DYNLRB1: variants seen among roughly 807,000 people sequenced by gnomAD.
DYNLRB1 encodes the protein ROBL/LC7-like 1.
Under a neutral mutation model 13.5 loss-of-function variants are expected in DYNLRB1, and 6 were observed. The observed-to-expected ratio is 0.44, with a 90% CI of 0.24 to 0.88. The LOEUF (loss-of-function observed/expected upper bound fraction) is 0.88, where lower values mean the gene tolerates loss of function less well. Ranked by LOEUF, DYNLRB1 falls within the 40% of genes least tolerant of loss-of-function variation. DYNLRB1 has a pLI of 0.21. For missense variants in DYNLRB1, 93 were observed against 127.2 expected, an observed-to-expected ratio of 0.73 and a Z score of 1.29; for synonymous variants, 43 against 45.0, an observed-to-expected ratio of 0.96 and a Z score of 0.18.
chr20:34,516,799 G>C, intron 1 of DYNLRB1: 6 of 1,550,116 alleles, frequency 3.9e-6, no homozygotes, highest in Non-Finnish European at 3.5e-6. Context: ...AACGTTTCCC[G>C]GGAGCTCAGT....
At chr20:34,522,463 C>CTTTTACTTTTTT (rs1568598377) in intron 1 of DYNLRB1, among the ~76,000 whole-genome samples, 1 of 101,270 alleles carries the variant, frequency 9.9e-6, no homozygotes, top group African/African-American at 3.8e-5. Flanking sequence ...TTTCTTTTTT[C>CTTTTACTTTTTT]TTTTTCTTTT....
chr20:34,529,966 G>C (rs768946801), intron 2 of DYNLRB1: 1 of 1,374,940 alleles, frequency 7.3e-7, no homozygotes, highest in South Asian at 1.7e-5. Context: ...GCCCTCAACT[G>C]CCTCGAGTCC....
chr20:34,537,158 C>G (rs1037733320), intron 3 of DYNLRB1, among the ~76,000 whole-genome samples: 1 of 152,102 alleles, frequency 6.6e-6, no homozygotes, highest in African/African-American at 2.4e-5. Flanking sequence ...ATGAGGTGGC[C>G]AGTCCCTCAC....
intron 1 of DYNLRB1, among the ~76,000 whole-genome samples, chr20:34,523,292 C>G (rs1042145163): frequency 2.0e-5 from 3 of 152,202 alleles, no homozygotes; most frequent in Admixed American, 2.0e-4. Context: ...GCTGTCCCTT[C>G]TCCCCACAGC....
In DYNLRB1 at chr20:34,540,628, ACT is replaced by A. The variant is rs757936652; in HGVS notation, c.*9_*10del. On this transcript the variant is annotated 3_prime_UTR_variant, in exon 4 of 4. Transcript: ENST00000357156. Reference sequence around the variant, plus strand: ...GATTCAGAATCCAACCGAATAAGCCACTCTCTTGGCTCCCTGTGTCATTCCTT... The same window carrying A: ...GATTCAGAATCCAACCGAATAAGCCACTCTTGGCTCCCTGTGTCATTCCTT... 1.9e-6 allele frequency: 3 copies of A among 1,613,262 alleles called. No individual in the cohort carries two copies. Among genetic ancestry groups the A allele is most frequent in the East Asian group, 4.5e-5 (2 of 44,842 alleles).
intron 3 of DYNLRB1, chr20:34,535,808 T>A: frequency 1.0e-6 from 1 of 985,258 alleles, no homozygotes; most frequent in Non-Finnish European, 1.2e-6. Flanking sequence ...GACTTGATCT[T>A]GCAAGCAGAG....
chr20:34,516,105 G>A (rs1014761501), upstream of DYNLRB1, among the ~76,000 whole-genome samples: 3 of 152,182 alleles, frequency 2.0e-5, no homozygotes, highest in Admixed American at 1.3e-4. Context: ...ATGTTGCCCA[G>A]GCTGGTCTCG....
intron 1 of DYNLRB1, among the ~76,000 whole-genome samples, chr20:34,525,516 C>A (rs963594899): frequency 1.3e-5 from 2 of 152,064 alleles, no homozygotes; most frequent in African/African-American, 2.4e-5. Context: ...GAGATGATGT[C>A]TTAGATGGTC....
chr20:34,534,103 C>T (rs554365765), intron 2 of DYNLRB1, among the ~76,000 whole-genome samples: 123 of 152,292 alleles, frequency 8.1e-4, no homozygotes, highest in African/African-American at 2.6e-3. Flanking sequence ...GCACTCCAGC[C>T]TGGGCAACAG....
chr20:34,525,183 C>A (rs1488033931), intron 1 of DYNLRB1, among the ~76,000 whole-genome samples: 4 of 151,974 alleles, frequency 2.6e-5, no homozygotes, highest in East Asian at 3.9e-4. Context: ...TTGAGGATCC[C>A]CCCCCCCATT....
Position 34,526,285 on chromosome 20 carries a change from A to G in DYNLRB1, c.21A>G (p.Thr7=). Residue 7 remains threonine, a synonymous_variant, in exon 2 of 4, where the codon ACA becomes ACG. Coordinates refer to ENST00000357156, the MANE Select transcript of DYNLRB1 (RefSeq NM_014183.4). ...TCTGGCAGGCAGAGGTGGAGGAGACACTGAAGCGACTGCAGAGCCAGAAGG... is the reference window on the plus strand; with the variant it reads ...TCTGGCAGGCAGAGGTGGAGGAGACGCTGAAGCGACTGCAGAGCCAGAAGG... MAEVEE[T]LKRLQSQKGV... The G allele has an allele frequency of 1.2e-6, 2 of 1,614,128 alleles. No individual in the cohort carries two copies. The highest frequency in any genetic ancestry group is 2.2e-5 in the East Asian group (1 of 44,884).
chr20:34,527,645 A>C (rs1980336511), intron 2 of DYNLRB1, among the ~76,000 whole-genome samples: 1 of 152,212 alleles, frequency 6.6e-6, no homozygotes, highest in African/African-American at 2.4e-5. Flanking sequence ...AATTTATTAG[A>C]GCCAAAGCAA....
At chr20:34,535,879 G>T (rs893107437) in intron 3 of DYNLRB1, 2 of 985,306 alleles carry the variant, frequency 2.0e-6, no homozygotes, top group Middle Eastern at 5.2e-4. Context: ...AGGCAGTGGG[G>T]GGTCTGGGGA....
At chr20:34,533,278 C>A (rs1980854279) in intron 2 of DYNLRB1, among the ~76,000 whole-genome samples, 1 of 152,194 alleles carries the variant, frequency 6.6e-6, no homozygotes, top group Non-Finnish European at 1.5e-5. Context: ...AAGTAGCCAA[C>A]AGTAGGGGCT....
At chr20:34,538,765 A>G (rs886659538) in intron 3 of DYNLRB1, among the ~76,000 whole-genome samples, 36 of 152,204 alleles carry the variant, frequency 2.4e-4, no homozygotes, top group African/African-American at 8.7e-4. Context: ...GGAAGAACCA[A>G]GCTTTAGGCT....
At chr20:34,533,689 C>T (rs564912912) in intron 2 of DYNLRB1, 4 of 181,028 alleles carry the variant, frequency 2.2e-5, no homozygotes, top group Admixed American at 6.6e-5. Flanking sequence ...TGTGGTGGTG[C>T]GCGTCTGTAG....
chr20:34,526,071 T>C (rs568451796), intron 1 of DYNLRB1, among the ~76,000 whole-genome samples, 197 bp from the exon 2 acceptor site: 1 of 152,138 alleles, frequency 6.6e-6, no homozygotes, highest in East Asian at 1.9e-4. Flanking sequence ...TGCGTGGGGG[T>C]GTGAGCGGAT....
intron 2 of DYNLRB1, chr20:34,533,688 G>A (rs1980889925): frequency 5.5e-6 from 1 of 182,532 alleles, no homozygotes; most frequent in East Asian, 1.9e-4. Flanking sequence ...GTGTGGTGGT[G>A]CGCGTCTGTA....
intron 1 of DYNLRB1, among the ~76,000 whole-genome samples, chr20:34,518,736 G>T (rs1411247061): frequency 6.6e-6 from 1 of 151,662 alleles, no homozygotes; most frequent in Non-Finnish European, 1.5e-5. Context: ...TTACAGGCGT[G>T]AGCCACCACA....
Sources: allele counts gnomAD v4.1 joint callset (sites outside exome capture counted in the v4.1 genomes callset), GRCh38; gene constraint gnomAD v4.1.1; transcripts MANE v1.5; gene names NCBI Gene and HGNC (gene_info 2026-07-23, HGNC 2026-07-21).